SLC24A2: variants seen among roughly 807,000 people sequenced by gnomAD.
SLC24A2 encodes the protein sodium/potassium/calcium exchanger 2.
Under a neutral mutation model 62.0 loss-of-function variants are expected in SLC24A2, and 36 were observed. That is an observed-to-expected ratio of 0.58 (90% confidence interval 0.44 to 0.77). The LOEUF (loss-of-function observed/expected upper bound fraction) is 0.77, where lower values mean the gene tolerates loss of function less well. Ranked by LOEUF, SLC24A2 falls within the 30% of genes least tolerant of loss-of-function variation. SLC24A2 has a pLI of 0.00. For synonymous variants in SLC24A2, 358 were observed against 294.0 expected (o/e 1.22, Z -2.23); for missense variants, 846 against 817.9 (o/e 1.03, Z -0.42).
At chr9:20,245,700 G>A in the SLC24A2 span, among the ~76,000 whole-genome samples, 8 of 152,284 alleles carry the variant, frequency 5.3e-5, no homozygotes, top group South Asian at 4.1e-4. Flanking sequence ...AAAATGCAGG[G>A]AGCGATAAAG....
the SLC24A2 span, among the ~76,000 whole-genome samples, chr9:19,932,357 A>G: frequency 2.6e-5 from 4 of 152,184 alleles, no homozygotes; most frequent in South Asian, 2.1e-4. Flanking sequence ...ATGTAGCCCA[A>G]TGTTGTCTTA....
chr9:19,752,032 C>A (rs1821999901), intron 2 of SLC24A2, among the ~76,000 whole-genome samples: 1 of 152,166 alleles, frequency 6.6e-6, no homozygotes, highest in African/African-American at 2.4e-5. Context: ...AATGTGGTAG[C>A]CACTTTCCAC....
the SLC24A2 span, among the ~76,000 whole-genome samples, chr9:20,282,725 T>C: frequency 6.6e-6 from 1 of 152,226 alleles, no homozygotes; most frequent in African/African-American, 2.4e-5. Context: ...CTACTCAGTA[T>C]CACTTATAAT....
the SLC24A2 span, among the ~76,000 whole-genome samples, chr9:20,259,514 C>T: frequency 1.3e-5 from 2 of 152,032 alleles, no homozygotes; most frequent in Non-Finnish European, 2.9e-5. Flanking sequence ...AGGAGATGAG[C>T]AGTGGTTGAA....
chr9:20,266,395 G>A, the SLC24A2 span, among the ~76,000 whole-genome samples: 3 of 152,134 alleles, frequency 2.0e-5, no homozygotes, highest in African/African-American at 7.2e-5. Context: ...TCGGGGGCAG[G>A]TTCCCCAATA....
the SLC24A2 span, among the ~76,000 whole-genome samples, chr9:20,016,900 A>G: frequency 2.6e-5 from 4 of 152,266 alleles, no homozygotes; most frequent in Non-Finnish European, 5.9e-5. Context: ...AATTTTTACA[A>G]TGAATATAAA....
At chr9:19,710,762 C>A (rs1171259762) in intron 2 of SLC24A2, among the ~76,000 whole-genome samples, 1 of 152,074 alleles carries the variant, frequency 6.6e-6, no homozygotes, top group East Asian at 1.9e-4. Context: ...GGGTTTTAGG[C>A]AGATCGCTCT....
chr9:19,852,708 T>C, the SLC24A2 span, among the ~76,000 whole-genome samples: 1 of 152,196 alleles, frequency 6.6e-6, no homozygotes, highest in Non-Finnish European at 1.5e-5. Context: ...TACCATGCTG[T>C]TTTGGTTACT....
the SLC24A2 span, among the ~76,000 whole-genome samples, chr9:20,171,687 C>A: frequency 6.6e-6 from 1 of 152,098 alleles, no homozygotes; most frequent in African/African-American, 2.4e-5. Context: ...ACTATATAAG[C>A]ACCTAAAACT....
the SLC24A2 span, among the ~76,000 whole-genome samples, chr9:20,067,734 G>C: frequency 6.6e-6 from 1 of 152,094 alleles, no homozygotes; most frequent in Non-Finnish European, 1.5e-5. Context: ...TTTTATGGCT[G>C]CGTAGAACTC....
chr9:20,302,145 A>G, the SLC24A2 span, among the ~76,000 whole-genome samples: 1 of 152,208 alleles, frequency 6.6e-6, no homozygotes, highest in Non-Finnish European at 1.5e-5. Context: ...CTATGGAAAG[A>G]TATCCTGTTT....
chr9:19,981,833 T>C, the SLC24A2 span, among the ~76,000 whole-genome samples: 60 of 152,106 alleles, frequency 3.9e-4, no homozygotes, highest in Non-Finnish European at 4.4e-5. Context: ...TTGCATGGTG[T>C]CTATTAATAT....
At chr9:20,224,184 C>G in the SLC24A2 span, among the ~76,000 whole-genome samples, 63 of 151,972 alleles carry the variant, frequency 4.1e-4, no homozygotes, top group Non-Finnish European at 8.1e-4. Flanking sequence ...CTTTTCTATA[C>G]CAAGAAAACC....
the SLC24A2 span, among the ~76,000 whole-genome samples, chr9:20,085,490 A>T: frequency 6.6e-6 from 1 of 152,338 alleles, no homozygotes; most frequent in East Asian, 1.9e-4. Flanking sequence ...ATTGTTCATT[A>T]TTTCTAGGAC....
the SLC24A2 span, among the ~76,000 whole-genome samples, chr9:19,994,368 A>G: frequency 1.4e-4 from 21 of 152,202 alleles, no homozygotes; most frequent in South Asian, 4.1e-4. Flanking sequence ...CATGCACACA[A>G]TAAATTCTGT....
the SLC24A2 span, among the ~76,000 whole-genome samples, chr9:20,265,810 G>C: frequency 6.6e-6 from 1 of 152,182 alleles, no homozygotes; most frequent in African/African-American, 2.4e-5. Context: ...AAATATCGCT[G>C]AATTCTTTTT....
chr9:20,302,188 A>T, the SLC24A2 span, among the ~76,000 whole-genome samples: 1 of 152,234 alleles, frequency 6.6e-6, no homozygotes, highest in Non-Finnish European at 1.5e-5. Context: ...TAAAGCTGCT[A>T]TTAACATCTG....
At chr9:19,819,077 AACACAG>A in the SLC24A2 span, among the ~76,000 whole-genome samples, 2 of 152,208 alleles carry the variant, frequency 1.3e-5, no homozygotes, top group East Asian at 3.9e-4. Flanking sequence ...TGACAAAGCA[AACACAG>A]ACATAAAGTG....
intron 4 of SLC24A2, among the ~76,000 whole-genome samples, chr9:19,603,189 G>T (rs1836887161): frequency 6.7e-6 from 1 of 150,220 alleles, no homozygotes; most frequent in Non-Finnish European, 1.5e-5. Flanking sequence ...GGTGGATGGG[G>T]GGTTAGGAAA....
Sources: gnomAD v4.1 joint callset for allele counts (sites outside exome capture counted in the v4.1 genomes callset) on GRCh38, gnomAD v4.1.1 for gene constraint, MANE v1.5 for transcripts, NCBI Gene and HGNC (gene_info 2026-07-23, HGNC 2026-07-21) for gene names.